GOLGA1: variants seen among roughly 807,000 people sequenced by gnomAD.
GOLGA1 encodes golgin subfamily A member 1.
In GOLGA1, 63 loss-of-function variants were observed where a neutral mutation model predicts 119.7. The ratio of observed to expected loss-of-function variants is 0.53; its 90% CI spans 0.43 to 0.65. The LOEUF is 0.65. Ranked by LOEUF, GOLGA1 falls within the 30% of genes least tolerant of loss-of-function variation. GOLGA1 has a pLI of 0.00. For missense variants in GOLGA1, 798 were observed against 912.8 expected (o/e 0.87, Z 1.62); for synonymous variants, 318 against 333.4 (o/e 0.95, Z 0.50).
chr9:124,923,985 A>T (rs1356394185), intron 7 of GOLGA1, among the ~76,000 whole-genome samples: 1 of 152,224 alleles, frequency 6.6e-6, no homozygotes, highest in East Asian at 1.9e-4. Context: ...CTTCCTGAGT[A>T]CCTGAGACTA....
rs547860348 is a variant in GOLGA1 at position 124,882,585 on chromosome 9, C to T, written c.1906-16G>A. ...GCTTTATGGTCTGCGACAAGCCCCA[C>T]CCCACAGAAAGCCAATCGTTAGATG... On this transcript the variant is annotated splice_polypyrimidine_tract_variant and intron_variant, in intron 19 of 22. Transcript: ENST00000373555. 14 of 1,608,520 alleles carry T rather than the reference C, an allele frequency of 8.7e-6. No individual in the cohort carries two copies. In the South Asian group the frequency reaches 1.4e-4, roughly 16 times the overall value.
At chr9:124,899,618 C>A (rs184732296) in intron 13 of GOLGA1, 140 bp from the exon 14 acceptor site, 4 of 817,302 alleles carry the variant, frequency 4.9e-6, no homozygotes, top group East Asian at 2.7e-5. Context: ...TTGCTGAGGT[C>A]CCCCCTGCAG....
At chr9:124,891,104 T>C (rs1055509661) in intron 15 of GOLGA1, among the ~76,000 whole-genome samples, 2 of 151,674 alleles carry the variant, frequency 1.3e-5, no homozygotes, top group Non-Finnish European at 2.9e-5. Context: ...TGCAGGAAAA[T>C]GGATTCCTTC....
intron 12 of GOLGA1, among the ~76,000 whole-genome samples, chr9:124,907,659 C>G (rs1182961059): frequency 5.3e-5 from 8 of 152,058 alleles, no homozygotes; most frequent in African/African-American, 1.9e-4. Context: ...ATGGGCAATT[C>G]CAAAAGCAGA....
chr9:124,891,456 G>A (rs1829852438), intron 15 of GOLGA1, among the ~76,000 whole-genome samples: 1 of 152,242 alleles, frequency 6.6e-6, no homozygotes, highest in Admixed American at 6.5e-5. Flanking sequence ...AAGGAAGAAA[G>A]AGACAAATCT....
chr9:124,924,710 T>C (rs1007348875), intron 7 of GOLGA1, among the ~76,000 whole-genome samples: 1 of 150,678 alleles, frequency 6.6e-6, no homozygotes, highest in Non-Finnish European at 1.5e-5. Flanking sequence ...TTTCTAACTC[T>C]TGACTGAAAA....
chr9:124,883,250 C>T (rs1490229777), intron 19 of GOLGA1, among the ~76,000 whole-genome samples: 1 of 151,482 alleles, frequency 6.6e-6, no homozygotes, highest in African/African-American at 2.4e-5. Context: ...GCACACACCA[C>T]CATGCCCGAC....
At chr9:124,903,097 GA>G (rs1176881239) in intron 12 of GOLGA1, among the ~76,000 whole-genome samples, 2 of 152,158 alleles carry the variant, frequency 1.3e-5, no homozygotes, top group African/African-American at 4.8e-5. Flanking sequence ...GAAGAGAAAT[GA>G]AAACACTAAG....
chr9:124,893,337 C>T (rs1829899277), intron 15 of GOLGA1, among the ~76,000 whole-genome samples: 1 of 152,180 alleles, frequency 6.6e-6, no homozygotes, highest in Non-Finnish European at 1.5e-5. Context: ...AATAATAGAA[C>T]TATTCCACAT....
chr9:124,884,678 C>CA (rs1829676341), intron 19 of GOLGA1, among the ~76,000 whole-genome samples: 1 of 152,210 alleles, frequency 6.6e-6, no homozygotes, highest in East Asian at 1.9e-4. Flanking sequence ...CCAACACACC[C>CA]AATTTTGTAA....
chr9:124,885,759 G>A (rs1829707380), intron 19 of GOLGA1, among the ~76,000 whole-genome samples: 1 of 152,160 alleles, frequency 6.6e-6, no homozygotes, highest in Non-Finnish European at 1.5e-5. Context: ...CAGCTGGCAG[G>A]GGTAATGAGG....
Position 124,929,223 on chromosome 9 carries a change from G to C in GOLGA1, c.294C>G (p.His98Gln). ...KEKLEIALEK[H>Q]QDSSMRKFQE... ...CAGGAAAAAAATACGTACAATCCTG[G>C]TGTTTTTCTAATGCAATTTCAAGCT... is the stretch of plus-strand genomic sequence containing the variant. Residue 98 changes from histidine to glutamine, a missense_variant, in exon 5 of 23, where the codon CAC (histidine) becomes CAG (glutamine). Transcript: ENST00000373555. 1 of 1,586,812 alleles carries C rather than the reference G, an allele frequency of 6.3e-7. No individual in the cohort carries two copies. The highest frequency in any genetic ancestry group is 8.7e-7 in the Non-Finnish European group (1 of 1,155,270).
At chr9:124,911,625 TG>T (rs1255111921) in intron 11 of GOLGA1, among the ~76,000 whole-genome samples, 1 of 152,208 alleles carries the variant, frequency 6.6e-6, no homozygotes, top group Admixed American at 6.5e-5. Flanking sequence ...GCAGCCCAAG[TG>T]GCGGAAATCA....
chr9:124,944,177 A>G (rs1831102965), upstream of GOLGA1: 1 of 152,236 alleles, frequency 6.6e-6, no homozygotes, highest in African/African-American at 2.4e-5. Flanking sequence ...ATGCATTCAG[A>G]TAACTATAAA....
intron 6 of GOLGA1, among the ~76,000 whole-genome samples, chr9:124,927,680 G>A (rs190786841): frequency 2.6e-5 from 4 of 152,170 alleles, no homozygotes; most frequent in African/African-American, 9.6e-5. Flanking sequence ...CTTCCTTGTG[G>A]TTATTCATTC....
intron 19 of GOLGA1, among the ~76,000 whole-genome samples, chr9:124,884,599 G>C (rs576799718): frequency 6.6e-6 from 1 of 152,190 alleles, no homozygotes; most frequent in South Asian, 2.1e-4. Context: ...GTTTCTCTTG[G>C]GGATAGAATG....
intron 7 of GOLGA1, among the ~76,000 whole-genome samples, chr9:124,923,832 T>C (rs1360537813): frequency 6.6e-6 from 1 of 152,054 alleles, no homozygotes; most frequent in Non-Finnish European, 1.5e-5. Flanking sequence ...TCCAGATATA[T>C]ATTTTATGTG....
intron 14 of GOLGA1, among the ~76,000 whole-genome samples, 200 bp downstream of exon 14, chr9:124,899,129 G>A (rs748094188): frequency 3.9e-5 from 6 of 152,156 alleles, no homozygotes; most frequent in Non-Finnish European, 7.3e-5. Flanking sequence ...CTGAGAGGTC[G>A]AGGCTGCAGT....
At chr9:124,920,760 C>T (rs749234806) in intron 10 of GOLGA1, among the ~76,000 whole-genome samples, 18 of 151,526 alleles carry the variant, frequency 1.2e-4, no homozygotes, top group Non-Finnish European at 2.7e-4. Flanking sequence ...ATGGTAAAAC[C>T]CTGTCTCTAC....
Sources: gnomAD v4.1 joint callset for allele counts (sites outside exome capture counted in the v4.1 genomes callset) on GRCh38, gnomAD v4.1.1 for gene constraint, MANE v1.5 for transcripts, NCBI Gene and HGNC (gene_info 2026-07-23, HGNC 2026-07-21) for gene names.